XRCC2: variants seen among roughly 807,000 people sequenced by gnomAD.
The protein encoded by XRCC2 is DNA repair protein XRCC2.
In XRCC2, 24 loss-of-function variants were observed where a neutral mutation model predicts 27.3. The observed-to-expected ratio is 0.88, with a 90% CI of 0.64 to 1.24. XRCC2 has a LOEUF of 1.24. Among genes scored for constraint, XRCC2 ranks in the 50% most tolerant of loss-of-function variants. The pLI, the probability that XRCC2 is intolerant of heterozygous loss-of-function variation, is 0.00. For synonymous variants in XRCC2, 106 were observed against 115.4 expected (o/e 0.92, Z 0.52); for missense variants, 321 against 325.8 (o/e 0.99, Z 0.11).
chr7:152,649,677 C>T (rs2098027686), intron 2 of XRCC2, among the ~76,000 whole-genome samples: 1 of 152,140 alleles, frequency 6.6e-6, no homozygotes, highest in Non-Finnish European at 1.5e-5. Context: ...CAGTACACAC[C>T]CTTTCTGGTA....
At chr7:152,649,494 A>G in intron 2 of XRCC2, 131 bp from the exon 3 acceptor site, 1 of 1,167,542 alleles carries the variant, frequency 8.6e-7, no homozygotes, top group South Asian at 1.7e-5. Flanking sequence ...ACTTTTGCCA[A>G]AATGGAGCTG....
At chr7:152,665,729 G>T (rs1195750127) in intron 1 of XRCC2, among the ~76,000 whole-genome samples, 2 of 151,888 alleles carry the variant, frequency 1.3e-5, no homozygotes, top group African/African-American at 4.8e-5. Context: ...TGATCCACCT[G>T]CCTTGGCCTC....
rs779794261 is a variant in XRCC2 at position 152,649,276 on chromosome 7, G to C, written c.209C>G (p.Ser70Ter). The C allele has an allele frequency of 1.2e-6, 2 of 1,613,664 alleles. No homozygotes were observed. Among genetic ancestry groups the C allele is most frequent in the South Asian group, 1.1e-5 (1 of 91,074 alleles). Residue 70 changes from serine (S) to a stop codon, truncating the protein, a stop_gained, in exon 3 of 3, where the codon TCA becomes TGA. Coordinates refer to ENST00000359321, the MANE Select transcript of XRCC2 (RefSeq NM_005431.2). LOFTEE classifies it high-confidence loss of function. ...HLTARCILPK[S>*]EGGLEVEVLF... ...GACTTCTACTTCCAGGCCACCTTCT[G>C]ATTTGGGAAGTATACATCGTGCTGT... is the stretch of plus-strand genomic sequence containing the variant.
Position 152,664,165 on chromosome 7 carries a change from A to G in XRCC2, c.40-3383T>C, listed in dbSNP as rs3218452. On this transcript the variant is annotated intron_variant, in intron 1 of 2. Coordinates refer to ENST00000359321, the MANE Select transcript of XRCC2 (RefSeq NM_005431.2). The stretch of plus-strand genomic sequence containing the variant: ...CTTGGAACTTCCTGAACTTTGTCCT[A>G]TTGTGTCTCTTCCCTTGGCTGATTT... 7.4e-3 allele frequency among the ~76,000 whole-genome samples: 1,134 copies of G among 152,268 alleles called. 14 individuals are homozygous for G. The highest frequency in any genetic ancestry group is 0.026 in the African/African-American group (1,077 of 41,556).
chr7:152,657,953 T>G (rs2098031383), intron 2 of XRCC2, among the ~76,000 whole-genome samples: 1 of 63,630 alleles, frequency 1.6e-5, no homozygotes, highest in Admixed American at 2.2e-4. Context: ...ATAAACTTTT[T>G]GTCTTTGTTT....
chr7:152,673,107 TTA>T (rs1383769575), intron 1 of XRCC2, among the ~76,000 whole-genome samples: 1 of 152,210 alleles, frequency 6.6e-6, no homozygotes, highest in Non-Finnish European at 1.5e-5. Flanking sequence ...CTTGTCTTTT[TTA>T]AATCAAGGGC....
At chr7:152,660,369 T>A (rs1412229823) in intron 2 of XRCC2, among the ~76,000 whole-genome samples, 1 of 152,108 alleles carries the variant, frequency 6.6e-6, no homozygotes, top group Non-Finnish European at 1.5e-5. Context: ...TACTAACAAG[T>A]GGGTACCCAA....
chr7:152,662,953 A>AG (rs2098033945), intron 1 of XRCC2, among the ~76,000 whole-genome samples: 1 of 152,144 alleles, frequency 6.6e-6, no homozygotes, highest in African/African-American at 2.4e-5. Context: ...TTAATTTAAC[A>AG]GGCGTTCGTT....
chr7:152,658,022 G>C lies in XRCC2; in HGVS notation c.121+2679C>G, dbSNP rs2098031452. 7.3e-5 allele frequency among the ~76,000 whole-genome samples: 11 copies of C among 151,050 alleles called. No homozygotes were observed. In the South Asian group the frequency reaches 2.3e-3, roughly 32 times the overall value. ...GCTCTGTCACCCAGGCTGGAGTGAA[G>C]TGGCGCAATCTCGGCTCATTGCAAC... On this transcript the variant is annotated intron_variant, in intron 2 of 2. Transcript: ENST00000359321.
intron 1 of XRCC2, among the ~76,000 whole-genome samples, chr7:152,674,095 G>A (rs1460831500): frequency 1.3e-5 from 2 of 152,052 alleles, no homozygotes; most frequent in East Asian, 3.9e-4. Context: ...AAGGAAAATA[G>A]AGCAGCGCCA....
In XRCC2 at chr7:152,648,863, C is replaced by A; in HGVS notation, c.622G>T (p.Glu208Ter). The A allele has an allele frequency of 6.2e-7, 1 of 1,613,962 alleles. No individual in the cohort carries two copies. The highest frequency in any genetic ancestry group is 8.5e-7 in the Non-Finnish European group (1 of 1,179,866). Reference protein sequence around the residue: ...IMQKASSSSEEPSHASRRLCD... With the variant: ...IMQKASSSSE ...AGTCGTCGAGAGGCATGAGAAGGTTCTTCTGATGAGCTCGAGGCTTTCTGC... is the reference window on the plus strand; with the variant it reads ...AGTCGTCGAGAGGCATGAGAAGGTTATTCTGATGAGCTCGAGGCTTTCTGC... Residue 208 changes from glutamate to a stop codon, truncating the protein, a stop_gained, in exon 3 of 3, where the codon GAA (glutamate) becomes TAA (stop). Transcript: ENST00000359321. LOFTEE classifies it high-confidence loss of function.
At chr7:152,662,785 G>A (rs1004198511) in intron 1 of XRCC2, among the ~76,000 whole-genome samples, 1 of 150,922 alleles carries the variant, frequency 6.6e-6, no homozygotes, top group African/African-American at 2.4e-5. Context: ...ATTTTAGCCG[G>A]GATGGTCTCG....
chr7:152,665,669 A>T (rs1046182384), intron 1 of XRCC2, among the ~76,000 whole-genome samples: 22 of 151,652 alleles, frequency 1.5e-4, no homozygotes, highest in African/African-American at 5.1e-4. Flanking sequence ...TTTTTAGGAG[A>T]CAGGGTCTCA....
intron 1 of XRCC2, among the ~76,000 whole-genome samples, chr7:152,674,611 CA>C (rs2098039512): frequency 6.9e-6 from 1 of 144,116 alleles, no homozygotes; most frequent in South Asian, 2.2e-4. Flanking sequence ...GAGTTCATCT[CA>C]AAAAAATATA....
rs1256369450 is a variant in XRCC2, at chr7:152,649,002, AT to A, written c.482del (p.Asn161MetfsTer6). ...LSAFYWIDRVNGGESVNLQES... is the reference protein window; with the variant it reads ...LSAFYWIDRVXGGESVNLQES... ...CCTGTAAGTTCACACTTTCTCCTCCATTGACGCGGTCTATCCAGTAAAAAGC... is the reference window on the plus strand; with the variant it reads ...CCTGTAAGTTCACACTTTCTCCTCCATGACGCGGTCTATCCAGTAAAAAGC... On this transcript the variant is annotated frameshift_variant, in exon 3 of 3. Coordinates refer to ENST00000359321, the MANE Select transcript of XRCC2 (RefSeq NM_005431.2). LOFTEE classifies it high-confidence loss of function. 1 of 1,614,212 alleles carries A rather than the reference AT, an allele frequency of 6.2e-7. No homozygotes were observed. The highest frequency in any genetic ancestry group is 1.7e-5 in the Admixed American group (1 of 60,020).
intron 2 of XRCC2, among the ~76,000 whole-genome samples, chr7:152,657,988 C>T (rs1332055175): frequency 1.5e-5 from 2 of 131,434 alleles, no homozygotes; most frequent in South Asian, 2.3e-4. Flanking sequence ...CTTTTTGAGA[C>T]GGAGTCTTGC....
At position 152,651,199 on chromosome 7, in the gene XRCC2, C is replaced by CA. The variant is rs548054177; in HGVS notation, c.122-1837dup. Reference sequence around the variant, plus strand: ...AGGTGATCTACCCACCTCGGCCTCCCAAAGTGCTGGGATTACAGGTGTGAA... The same window carrying CA: ...AGGTGATCTACCCACCTCGGCCTCCCAAAAGTGCTGGGATTACAGGTGTGAA... On this transcript the variant is annotated intron_variant, in intron 2 of 2. Coordinates refer to ENST00000359321, the MANE Select transcript of XRCC2 (RefSeq NM_005431.2). Among the ~76,000 whole-genome samples the CA allele has an allele frequency of 5.8e-3, 880 of 152,252 alleles. 5 individuals are homozygous for CA. Among genetic ancestry groups the CA allele is most frequent in the Middle Eastern group, 0.01 (3 of 294 alleles).
At chr7:152,649,420 A>AGGGT in intron 2 of XRCC2, 57 bp from the exon 3 acceptor site, 2 of 1,506,970 alleles carry the variant, frequency 1.3e-6, no homozygotes, top group Non-Finnish European at 1.8e-6. Context: ...TAGGTTACAA[A>AGGGT]ATGCAAAGTC....
At chr7:152,667,735 T>G (rs1409320416) in intron 1 of XRCC2, among the ~76,000 whole-genome samples, 1 of 152,126 alleles carries the variant, frequency 6.6e-6, no homozygotes, top group Non-Finnish European at 1.5e-5. Flanking sequence ...TTGTTAATAT[T>G]ACAATTAACA....
Sources: gnomAD v4.1 joint callset for allele counts (sites outside exome capture counted in the v4.1 genomes callset) on GRCh38, gnomAD v4.1.1 for gene constraint, MANE v1.5 for transcripts, NCBI Gene and HGNC (gene_info 2026-07-23, HGNC 2026-07-21) for gene names.